FRMPD4: variants seen among roughly 807,000 people sequenced by gnomAD.
FRMPD4 encodes the protein FERM and PDZ domain-containing protein 4.
A neutral mutation model predicts 94.1 loss-of-function variants in FRMPD4; 22 were observed. The ratio of observed to expected loss-of-function variants is 0.23; its 90% CI spans 0.17 to 0.33. FRMPD4 has a LOEUF of 0.33. Among genes scored for constraint, FRMPD4 ranks in the 10% least tolerant of loss-of-function variants. The pLI is 1.00. For synonymous variants in FRMPD4, 631 were observed against 548.6 expected, an observed-to-expected ratio of 1.15 and a Z score of -2.10; for missense variants, 1,111 against 1,339.9, an observed-to-expected ratio of 0.83 and a Z score of 2.67.
At chrX:12,392,987 A>G (rs1299909649) in intron 1 of FRMPD4, among the ~76,000 whole-genome samples, 1 of 112,578 alleles carries the variant, frequency 8.9e-6, no homozygotes, top group East Asian at 2.8e-4. Context: ...TAAAAATAAA[A>G]AAAGAAAGAA....
intron 3 of FRMPD4, among the ~76,000 whole-genome samples, chrX:12,057,564 T>TG (rs2054861319): frequency 1.8e-5 from 2 of 111,509 alleles, no homozygotes; most frequent in Admixed American, 1.9e-4. Context: ...CCTCTTAGAG[T>TG]GTTTGTTTTC....
intron 14 of FRMPD4, among the ~76,000 whole-genome samples, chrX:12,711,270 T>A (rs1160799268): frequency 8.9e-6 from 1 of 111,785 alleles, no homozygotes; most frequent in Non-Finnish European, 1.9e-5. Context: ...GCCTCCTCCC[T>A]GTAGTCAGAC....
intron 2 of FRMPD4, among the ~76,000 whole-genome samples, chrX:12,501,665 C>CT (rs1026882390): frequency 2.7e-5 from 3 of 110,771 alleles, no homozygotes; most frequent in Admixed American, 1.9e-4. Flanking sequence ...TAGATGTTTT[C>CT]TTTTTTTTAT....
chrX:12,254,699 A>G (rs998095222), intron 1 of FRMPD4, among the ~76,000 whole-genome samples: 18 of 111,926 alleles, frequency 1.6e-4, no homozygotes, highest in African/African-American at 5.8e-4. Context: ...ATCACCAACA[A>G]TTATTTACGC....
intron 3 of FRMPD4, among the ~76,000 whole-genome samples, chrX:12,070,451 C>T (rs1202469089): frequency 1.8e-5 from 2 of 111,799 alleles, no homozygotes; most frequent in African/African-American, 6.5e-5. Flanking sequence ...AGAAAACCCA[C>T]ATATATAGGC....
At chrX:12,340,483 A>G (rs1037207428) in intron 1 of FRMPD4, among the ~76,000 whole-genome samples, 6 of 111,175 alleles carry the variant, frequency 5.4e-5, no homozygotes, top group African/African-American at 2.0e-4. Flanking sequence ...GTCCTTTAGT[A>G]GGCCAACTAG....
At chrX:12,388,681 T>C (rs141266112) in intron 1 of FRMPD4, among the ~76,000 whole-genome samples, 1,162 of 106,439 alleles carry the variant, frequency 0.011, 24 homozygotes, top group African/African-American at 0.038. Context: ...TTCTTTTGGT[T>C]ATTTACCCAA....
rs937074805 is a variant in FRMPD4, at chrX:12,717,083, C to T, written c.2624C>T (p.Ala875Val). The T allele has an allele frequency of 4.3e-5, 51 of 1,196,953 alleles. No individual in the cohort carries two copies. Among genetic ancestry groups the T allele is most frequent in the Non-Finnish European group, 5.6e-5 (50 of 885,712 alleles). ...AATGCCGTCGTCTCCACGCTGGGAG[C>T]TCTAGAGGCTCTATCCGTGTCAGAA... ...LDNAVVSTLG[A>V]LEALSVSEEQ... Residue 875 changes from alanine to valine, a missense_variant, in exon 15 of 17, where the codon GCT becomes GTT. Ala to Val is a moderately conservative substitution (Grantham distance 64). This residue lies in a region of FRMPD4 where 74 missense variants were observed against 93.9 expected (regional missense o/e 0.79). Transcript: ENST00000675598.
intron 1 of FRMPD4, among the ~76,000 whole-genome samples, chrX:12,388,577 C>G (rs1335786002): frequency 9.5e-6 from 1 of 105,389 alleles, no homozygotes; most frequent in Non-Finnish European, 1.9e-5. Context: ...TGCACTCCAG[C>G]CTGGGTGACA....
intron 1 of FRMPD4, among the ~76,000 whole-genome samples, chrX:12,335,317 G>A (rs1026551194): frequency 9.1e-6 from 1 of 110,001 alleles, no homozygotes; most frequent in East Asian, 2.8e-4. Flanking sequence ...TTGTTGAGAC[G>A]AGGTCTTGCT....
At chrX:12,128,966 ATT>A in intron 3 of FRMPD4, among the ~76,000 whole-genome samples, 1 of 111,733 alleles carries the variant, frequency 8.9e-6, no homozygotes, top group Middle Eastern at 4.6e-3. Context: ...CCTGGACTTC[ATT>A]GTCCGTATCA....
intron 1 of FRMPD4, among the ~76,000 whole-genome samples, chrX:12,453,669 T>C (rs1404260476): frequency 8.9e-6 from 1 of 111,897 alleles, no homozygotes; most frequent in African/African-American, 3.2e-5. Context: ...TTCTATCGTT[T>C]ATTCATTTAT....
rs768652508 is a variant in FRMPD4 at position 12,721,303 on chromosome X, G to A, written c.4734G>A (p.Leu1578=). Residue 1578 remains leucine, a synonymous_variant, in exon 17 of 17, where the codon TTG becomes TTA. Transcript: ENST00000675598. The part of the protein sequence containing the change: ...WAEDLRDPDD[L]DFSNLAFDAR... The stretch of plus-strand genomic sequence containing the variant: ...AAGACCTGCGAGACCCAGATGACTT[G>A]GACTTCAGCAACCTGGCTTTTGATG... 40 of 753,560 alleles carry A rather than the reference G, an allele frequency of 5.3e-5. No homozygotes were observed. In the Middle Eastern group the frequency reaches 1.2e-3, roughly 22 times the overall value. 62.1% of individuals were successfully genotyped at this position (753,560 alleles called of 1,213,427 possible).
chrX:12,066,337 A>C (rs1005969089), intron 3 of FRMPD4, among the ~76,000 whole-genome samples: 2 of 112,124 alleles, frequency 1.8e-5, no homozygotes, highest in African/African-American at 6.5e-5. Context: ...CCTAGGAAAC[A>C]AATCAAATTC....
intron 1 of FRMPD4, among the ~76,000 whole-genome samples, chrX:12,263,462 G>A (rs748048305): frequency 2.7e-5 from 3 of 111,864 alleles, no homozygotes; most frequent in Non-Finnish European, 5.6e-5. Context: ...GCATTTTGAG[G>A]ACTAGCTTTG....
chrX:12,005,024 C>A (rs2054544274), intron 3 of FRMPD4, among the ~76,000 whole-genome samples: 1 of 112,340 alleles, frequency 8.9e-6, no homozygotes, highest in African/African-American at 3.2e-5. Flanking sequence ...ATTTATTAGA[C>A]TCATATCTAA....
chrX:12,152,479 G>A (rs966080820), intron 1 of FRMPD4, among the ~76,000 whole-genome samples: 7 of 111,031 alleles, frequency 6.3e-5, no homozygotes, highest in Non-Finnish European at 1.3e-4. Flanking sequence ...GAATGGGGGG[G>A]TAATGAAGAA....
intron 1 of FRMPD4, among the ~76,000 whole-genome samples, chrX:12,421,096 G>A (rs916027762): frequency 3.6e-5 from 4 of 111,843 alleles, no homozygotes; most frequent in African/African-American, 1.3e-4. Context: ...AAGACTATCT[G>A]CGTCCTGATT....
At chrX:12,406,904 G>T (rs2056673121) in intron 1 of FRMPD4, among the ~76,000 whole-genome samples, 1 of 112,065 alleles carries the variant, frequency 8.9e-6, no homozygotes, top group Admixed American at 9.4e-5. Context: ...GCCCAAAGTG[G>T]ATTTCACTGG....
Sources: allele counts gnomAD v4.1 joint callset (sites outside exome capture counted in the v4.1 genomes callset), GRCh38; gene constraint gnomAD v4.1.1; regional missense constraint gnomAD v4.1.1; transcripts MANE v1.5; gene names NCBI Gene and HGNC (gene_info 2026-07-23, HGNC 2026-07-21).